NCALD: variants seen among roughly 807,000 people sequenced by gnomAD.
The protein encoded by NCALD is neurocalcin-delta.
In NCALD, 10 loss-of-function variants were observed where a neutral mutation model predicts 18.6. The observed-to-expected ratio is 0.54, with a 90% CI of 0.33 to 0.91. The LOEUF (loss-of-function observed/expected upper bound fraction) is 0.91, where lower values mean the gene tolerates loss of function less well. Ranked by LOEUF, NCALD falls within the 40% of genes least tolerant of loss-of-function variation. The pLI, the probability that NCALD is intolerant of heterozygous loss-of-function variation, is 0.03. For synonymous variants in NCALD, 88 were observed against 87.4 expected (o/e 1.01, Z -0.04); for missense variants, 184 against 247.6 (o/e 0.74, Z 1.72).
At chr8:102,046,182 A>T (rs1339220222) in intron 1 of NCALD, among the ~76,000 whole-genome samples, 2 of 152,238 alleles carry the variant, frequency 1.3e-5, no homozygotes, top group African/African-American at 2.4e-5. Context: ...CCAGTTGAGA[A>T]CAATATATGA....
intron 1 of NCALD, among the ~76,000 whole-genome samples, chr8:101,783,171 A>C (rs1186182574): frequency 1.3e-5 from 2 of 152,202 alleles, no homozygotes; most frequent in African/African-American, 4.8e-5. Context: ...TACAGAGTTA[A>C]CAAATGCTGA....
At chr8:101,959,347 G>T (rs1819752638) in intron 2 of NCALD, among the ~76,000 whole-genome samples, 1 of 152,090 alleles carries the variant, frequency 6.6e-6, no homozygotes, top group African/African-American at 2.4e-5. Context: ...GACTTTGCAG[G>T]TGGCACAAAA....
intron 4 of NCALD, among the ~76,000 whole-genome samples, chr8:101,886,405 A>G (rs1816675881): frequency 6.6e-6 from 1 of 152,196 alleles, no homozygotes. Flanking sequence ...ATTAATCTTC[A>G]TGACTTTTTT....
intron 2 of NCALD, among the ~76,000 whole-genome samples, chr8:101,935,464 G>A (rs1345702332): frequency 1.3e-5 from 2 of 152,206 alleles, no homozygotes; most frequent in Non-Finnish European, 2.9e-5. Context: ...TAACTAAAGA[G>A]TTTACAGTTT....
At chr8:102,072,315 G>A (rs1415229246) in intron 1 of NCALD, among the ~76,000 whole-genome samples, 1 of 152,156 alleles carries the variant, frequency 6.6e-6, no homozygotes, top group Non-Finnish European at 1.5e-5. Context: ...GATGGGAGGG[G>A]CAGCACTCAG....
rs144448012 is a variant in NCALD at position 101,762,864 on chromosome 8, G to A, written c.-20+27998C>T. Among the ~76,000 whole-genome samples the A allele has an allele frequency of 3.4e-4, 52 of 152,226 alleles. 1 individual carries two copies. In the East Asian group the frequency reaches 9.1e-3, roughly 27 times the overall value. The stretch of plus-strand genomic sequence containing the variant: ...TGGGATTACAGGCATGAGCCACCAC[G>A]CCCAGCCAAGGCCTACTTTTAATAA... On this transcript the variant is annotated intron_variant, in intron 1 of 3. Transcript: ENST00000220931.
chr8:101,688,852 T>TG lies in NCALD; in HGVS notation c.*456dup. 1 of 624,868 alleles carries TG rather than the reference T, an allele frequency of 1.6e-6. No homozygotes were observed. The highest frequency in any genetic ancestry group is 2.9e-5 in the East Asian group (1 of 35,014). 38.7% of individuals were successfully genotyped at this position (624,868 alleles called of 1,614,324 possible). ...CTCACCCCAGAGGGTAACTTGTTCT[T>TG]GGGGAATCCAGCATCCGGTGCCATC... On this transcript the variant is annotated 3_prime_UTR_variant, in exon 4 of 4. Transcript: ENST00000220931.
At chr8:102,070,114 A>C (rs545898471) in intron 1 of NCALD, 1 of 126,174 alleles carries the variant, frequency 7.9e-6, no homozygotes, top group South Asian at 2.5e-4. Flanking sequence ...ACTCTGTCTC[A>C]AAAAAAAAAA....
At chr8:101,958,937 G>A (rs1002611382) in intron 2 of NCALD, among the ~76,000 whole-genome samples, 1 of 152,084 alleles carries the variant, frequency 6.6e-6, no homozygotes, top group African/African-American at 2.4e-5. Flanking sequence ...TAAGTTGCTG[G>A]TATTTTTCCT....
At chr8:101,812,899 A>C (rs1307802793) in intron 4 of NCALD, among the ~76,000 whole-genome samples, 1 of 152,192 alleles carries the variant, frequency 6.6e-6, no homozygotes. Context: ...GCAAATGAGC[A>C]CATACAAACA....
At chr8:101,757,553 T>A (rs747836699) in intron 1 of NCALD, among the ~76,000 whole-genome samples, 8 of 152,180 alleles carry the variant, frequency 5.3e-5, no homozygotes, top group Non-Finnish European at 1.2e-4. Context: ...TATTCCCAGG[T>A]CTAATGAAGT....
intron 2 of NCALD, among the ~76,000 whole-genome samples, chr8:101,930,754 A>C (rs1349079732): frequency 6.6e-6 from 1 of 152,150 alleles, no homozygotes; most frequent in Admixed American, 6.5e-5. Flanking sequence ...AATACTTCCC[A>C]GAGATAGCAA....
intron 1 of NCALD, among the ~76,000 whole-genome samples, chr8:101,778,818 T>C (rs1197642877): frequency 3.3e-5 from 5 of 152,118 alleles, no homozygotes; most frequent in Admixed American, 6.5e-5. Context: ...AAATAAATCA[T>C]AGAAGAATAT....
In NCALD at chr8:101,855,915, T is replaced by G. The variant is rs190225323; in HGVS notation, c.-20+31226A>C. On this transcript the variant is annotated intron_variant, in intron 4 of 6. Transcript: ENST00000311028. ...ATAAGGTCTTAGTAATCATTTTCCCTTCCTTTATTTGAAGTCCAGAGACGA... is the reference window on the plus strand; with the variant it reads ...ATAAGGTCTTAGTAATCATTTTCCCGTCCTTTATTTGAAGTCCAGAGACGA... Among the ~76,000 whole-genome samples, 6 of 152,332 alleles carry G rather than the reference T, an allele frequency of 3.9e-5. No homozygotes were observed. The East Asian group carries it at 1.2e-3, about 29-fold the overall frequency.
intron 2 of NCALD, among the ~76,000 whole-genome samples, chr8:101,929,393 G>A (rs1317735138): frequency 2.2e-5 from 1 of 45,800 alleles, no homozygotes; most frequent in African/African-American, 1.1e-4. Flanking sequence ...GAGGGAGGGA[G>A]GCATGGAGGG....
chr8:101,724,067 A>G (rs941701023), intron 1 of NCALD, among the ~76,000 whole-genome samples: 4 of 152,218 alleles, frequency 2.6e-5, no homozygotes, highest in Admixed American at 2.6e-4. Flanking sequence ...GAAATTACGT[A>G]TATGTGACTT....
chr8:101,813,481 A>G (rs997967126), intron 4 of NCALD, among the ~76,000 whole-genome samples: 1 of 152,174 alleles, frequency 6.6e-6, no homozygotes, highest in Admixed American at 6.6e-5. Flanking sequence ...GCTCAAGGAT[A>G]CACAGCTAGT....
chr8:102,062,405 C>A (rs1308474047), intron 1 of NCALD, among the ~76,000 whole-genome samples: 3 of 152,180 alleles, frequency 2.0e-5, no homozygotes, highest in African/African-American at 7.2e-5. Context: ...TTATTGAACA[C>A]CCACCAGAAT....
Position 101,816,434 on chromosome 8 carries a change from T to C in NCALD, c.-20+70707A>G, listed in dbSNP as rs542946623. Among the ~76,000 whole-genome samples the C allele has an allele frequency of 6.9e-4, 105 of 152,280 alleles. 1 individual carries two copies. Among genetic ancestry groups the C allele is most frequent in the Admixed American group, 3.9e-4 (6 of 15,268 alleles). ...GGAAGAATTCTATACAAACAGGCCT[T>C]GTAAAAATAATTCACATCTTACTTT... On this transcript the variant is annotated intron_variant, in intron 4 of 6. Coordinates refer to the NCALD transcript ENST00000311028.
Sources: gnomAD v4.1 joint callset for allele counts (sites outside exome capture counted in the v4.1 genomes callset) on GRCh38, gnomAD v4.1.1 for gene constraint, MANE v1.5 for transcripts, NCBI Gene and HGNC (gene_info 2026-07-23, HGNC 2026-07-21) for gene names.